Variants in SRGAP3 observed in about 807,000 individuals in gnomAD.
The protein encoded by SRGAP3 is SLIT-ROBO Rho GTPase activating protein 3.
In SRGAP3, 39 loss-of-function variants were observed where a neutral mutation model predicts 121.1. The ratio of observed to expected loss-of-function variants is 0.32; its 90% CI spans 0.25 to 0.42. The LOEUF is 0.42. Among genes scored for constraint, SRGAP3 ranks in the 10% least tolerant of loss-of-function variants. The pLI, the probability that SRGAP3 is intolerant of heterozygous loss-of-function variation, is 1.00. For synonymous variants in SRGAP3, 601 were observed against 570.0 expected, an observed-to-expected ratio of 1.05 and a Z score of -0.77; for missense variants, 1,213 against 1,470.6, an observed-to-expected ratio of 0.82 and a Z score of 2.86.
chr3:9,317,111 C>T (rs1325914946), intron 3 of SRGAP3, among the ~76,000 whole-genome samples: 1 of 152,164 alleles, frequency 6.6e-6, no homozygotes, highest in South Asian at 2.1e-4. Flanking sequence ...AAGGGGCCAG[C>T]CAGCAGCCGC....
At chr3:9,085,723 T>C (rs1349504593) in intron 3 of SRGAP3, among the ~76,000 whole-genome samples, 2 of 152,112 alleles carry the variant, frequency 1.3e-5, no homozygotes, top group Non-Finnish European at 2.9e-5. Flanking sequence ...GAAAACCAAA[T>C]ACCACATATT....
intron 3 of SRGAP3, among the ~76,000 whole-genome samples, chr3:9,296,858 ATGCCACCTC>A (rs1469696858): frequency 6.6e-6 from 1 of 152,310 alleles, no homozygotes; most frequent in East Asian, 1.9e-4. Flanking sequence ...CCATCAGGAT[ATGCCACCTC>A]TACCACCTTT....
intron 12 of SRGAP3, among the ~76,000 whole-genome samples, chr3:9,031,360 T>C (rs1944472619): frequency 6.6e-6 from 1 of 152,182 alleles, no homozygotes; most frequent in Non-Finnish European, 1.5e-5. Context: ...TGCCCTCCCA[T>C]GACCCAGTAA....
intron 1 of SRGAP3, among the ~76,000 whole-genome samples, chr3:9,157,915 G>C (rs942814036): frequency 2.6e-5 from 4 of 152,224 alleles, no homozygotes; most frequent in Non-Finnish European, 5.9e-5. Flanking sequence ...TCTTCAAGGG[G>C]AGACTCAGAC....
chr3:9,281,829 C>T (rs370500295), intron 3 of SRGAP3, among the ~76,000 whole-genome samples: 3 of 152,066 alleles, frequency 2.0e-5, no homozygotes, highest in Admixed American at 1.3e-4. Context: ...TGCACCACCA[C>T]GCCTGGCTAG....
chr3:9,134,881 G>A (rs1281570647), intron 1 of SRGAP3, among the ~76,000 whole-genome samples: 7 of 152,128 alleles, frequency 4.6e-5, no homozygotes, highest in East Asian at 1.9e-4. Flanking sequence ...TCACCTGCCC[G>A]GTGGTTCAAA....
At chr3:9,174,495 T>C (rs1951103310) in intron 1 of SRGAP3, among the ~76,000 whole-genome samples, 1 of 152,132 alleles carries the variant, frequency 6.6e-6, no homozygotes, top group African/African-American at 2.4e-5. Context: ...AGCAGGAGAC[T>C]GCGGGCAGAA....
At position 8,993,039 on chromosome 3, in the gene SRGAP3, C is replaced by T. The variant is rs953053584; in HGVS notation, c.2425G>A (p.Asp809Asn). 12 of 1,614,036 alleles carry T rather than the reference C, an allele frequency of 7.4e-6. No individual in the cohort carries two copies. Among genetic ancestry groups the T allele is most frequent in the African/African-American group, 5.3e-5 (4 of 74,932 alleles). ...VVQDMDDAFS[D>N]SLSQKADSEA... ...CTGTCAGCCTTCTGGCTCAGGCTGT[C>T]GGAGAAGGCATCATCCCTGGGGAGA... Residue 809 changes from aspartate to asparagine, a missense_variant, in exon 20 of 22, where the codon GAC (aspartate) becomes AAC (asparagine). Transcript: ENST00000383836.
At chr3:9,047,054 G>A (rs770033356) in intron 10 of SRGAP3, among the ~76,000 whole-genome samples, 2 of 152,046 alleles carry the variant, frequency 1.3e-5, no homozygotes, top group Non-Finnish European at 2.9e-5. Flanking sequence ...GGATGGTCTC[G>A]ATCTCCTGAC....
At chr3:8,989,328 A>G (rs1000213376) in intron 21 of SRGAP3, among the ~76,000 whole-genome samples, 8 of 152,186 alleles carry the variant, frequency 5.3e-5, no homozygotes, top group Admixed American at 1.3e-4. Flanking sequence ...CCTCCTCGGA[A>G]GGCACTGATC....
In SRGAP3 at chr3:8,985,423, AGG is replaced by A; in HGVS notation, c.*94_*95del. On this transcript the variant is annotated 3_prime_UTR_variant, in exon 22 of 22. Coordinates refer to ENST00000383836, the MANE Select transcript of SRGAP3 (RefSeq NM_014850.4). This position sits in a 1 kb window ranked among gnomAD's most constrained non-coding sequence, Gnocchi z 5.1. ...CTCCCAGACGGACCTCTGCCCTCCA[AGG>A]CCAGGGTCACTGGGAAGCACGTGGA... 6.4e-7 allele frequency: 1 copy of A among 1,563,918 alleles called. No individual in the cohort carries two copies. Among genetic ancestry groups the A allele is most frequent in the South Asian group, 1.2e-5 (1 of 86,180 alleles).
chr3:9,005,513 A>G (rs1456389134), intron 18 of SRGAP3, among the ~76,000 whole-genome samples: 2 of 152,246 alleles, frequency 1.3e-5, no homozygotes, highest in Non-Finnish European at 2.9e-5. Flanking sequence ...GCTGAAAAGT[A>G]GAAACAACCC....
chr3:9,329,798 C>T (rs1955575772), intron 2 of SRGAP3, among the ~76,000 whole-genome samples: 1 of 151,954 alleles, frequency 6.6e-6, no homozygotes, highest in African/African-American at 2.4e-5. Flanking sequence ...GGAAAAAGCT[C>T]CCCATGTCCC....
chr3:9,070,995 G>A (rs1946682035), intron 4 of SRGAP3, among the ~76,000 whole-genome samples: 1 of 152,192 alleles, frequency 6.6e-6, no homozygotes, highest in Admixed American at 6.5e-5. Context: ...AACACTGCAG[G>A]AAGAGTAGCT....
intron 11 of SRGAP3, chr3:9,037,035 C>A (rs1294310403): frequency 6.6e-6 from 1 of 152,136 alleles, no homozygotes; most frequent in Non-Finnish European, 1.5e-5. Context: ...CTGAAAACCC[C>A]AGAGGTTGCC....
chr3:9,285,484 GA>G (rs35950560), intron 3 of SRGAP3, among the ~76,000 whole-genome samples: 21,887 of 151,670 alleles, frequency 0.14, 1,880 homozygotes, highest in South Asian at 0.2. Context: ...ATACCTGGAG[GA>G]AAAAAAATGT....
intron 6 of SRGAP3, chr3:9,059,754 A>G (rs1454374469): frequency 4.7e-6 from 1 of 212,140 alleles, no homozygotes; most frequent in East Asian, 1.2e-4. Flanking sequence ...TTCCCCACAC[A>G]AAGCTGATCT....
intron 1 of SRGAP3, among the ~76,000 whole-genome samples, chr3:9,203,486 C>T (rs914917154): frequency 6.6e-6 from 1 of 152,156 alleles, no homozygotes; most frequent in Admixed American, 6.5e-5. Context: ...TGTTTCCATC[C>T]CTCAGACCCT....
At chr3:9,039,308 C>T (rs922675888) in intron 10 of SRGAP3, among the ~76,000 whole-genome samples, 1 of 152,144 alleles carries the variant, frequency 6.6e-6, no homozygotes, top group Admixed American at 6.5e-5. Flanking sequence ...AACCTCAAAC[C>T]TCAAAATGTT....
Sources: allele counts gnomAD v4.1 joint callset (sites outside exome capture counted in the v4.1 genomes callset), GRCh38; gene constraint gnomAD v4.1.1; non-coding constraint Gnocchi (gnomAD v3.1); transcripts MANE v1.5; gene names NCBI Gene and HGNC (gene_info 2026-07-23, HGNC 2026-07-21).